The following BRINP1 variants were observed in gnomAD, a reference collection of about 807,000 sequenced individuals.
BRINP1 encodes the protein BMP/retinoic acid inducible neural specific 1.
In BRINP1, 17 loss-of-function variants were observed where a neutral mutation model predicts 72.9. The observed-to-expected ratio is 0.23, with a 90% CI of 0.16 to 0.35. The LOEUF is 0.35. Among genes scored for constraint, BRINP1 ranks in the 10% least tolerant of loss-of-function variants. The pLI, the probability that BRINP1 is intolerant of heterozygous loss-of-function variation, is 1.00. For synonymous variants in BRINP1, 418 were observed against 378.5 expected, an observed-to-expected ratio of 1.10 and a Z score of -1.21; for missense variants, 850 against 1,001.6, an observed-to-expected ratio of 0.85 and a Z score of 2.04.
chr9:119,293,736 T>A (rs1830843930), intron 2 of BRINP1, among the ~76,000 whole-genome samples: 1 of 151,704 alleles, frequency 6.6e-6, no homozygotes, highest in African/African-American at 2.4e-5. Flanking sequence ...GAATAGGAGG[T>A]AGAAGAGTGA....
At chr9:119,285,585 T>C (rs1200406871) in intron 2 of BRINP1, among the ~76,000 whole-genome samples, 2 of 152,178 alleles carry the variant, frequency 1.3e-5, no homozygotes. Flanking sequence ...TAACCCTTAA[T>C]CTAATTATTT....
intron 5 of BRINP1, among the ~76,000 whole-genome samples, chr9:119,226,466 G>T (rs1489961261): frequency 1.3e-5 from 2 of 152,008 alleles, no homozygotes; most frequent in African/African-American, 2.4e-5. Context: ...TACATACCAA[G>T]AAGTAACTCC....
intron 2 of BRINP1, among the ~76,000 whole-genome samples, chr9:119,267,180 T>C (rs533814904): frequency 3.9e-5 from 6 of 152,168 alleles, no homozygotes; most frequent in Non-Finnish European, 2.9e-5. Flanking sequence ...GACTTGCTGA[T>C]GTGGAATATG....
intron 1 of BRINP1, among the ~76,000 whole-genome samples, chr9:119,322,709 A>C (rs1292166145): frequency 1.3e-5 from 2 of 152,086 alleles, no homozygotes; most frequent in Non-Finnish European, 2.9e-5. Context: ...CAACTGGATA[A>C]TCTCATCTAG....
chr9:119,212,051 T>A (rs1468889762), intron 6 of BRINP1, among the ~76,000 whole-genome samples: 1 of 152,204 alleles, frequency 6.6e-6, no homozygotes, highest in East Asian at 1.9e-4. Context: ...TGCAAAAGCA[T>A]TTTATCAAAT....
intron 1 of BRINP1, among the ~76,000 whole-genome samples, chr9:119,316,796 C>T (rs1374916350): frequency 6.6e-6 from 1 of 152,110 alleles, no homozygotes; most frequent in Non-Finnish European, 1.5e-5. Flanking sequence ...TTCATGCCTG[C>T]TGAAACAACA....
At chr9:119,250,123 A>G (rs1300376148) in intron 2 of BRINP1, among the ~76,000 whole-genome samples, 1 of 106,010 alleles carries the variant, frequency 9.4e-6, no homozygotes, top group Non-Finnish European at 2.1e-5. Flanking sequence ...GGAGGGAGGG[A>G]AGGAGGGAGG....
intron 2 of BRINP1, among the ~76,000 whole-genome samples, chr9:119,261,193 T>A (rs186222380): frequency 6.6e-6 from 1 of 152,126 alleles, no homozygotes; most frequent in African/African-American, 2.4e-5. Context: ...ATAGGAGGGA[T>A]TCAGAATCCA....
chr9:119,360,968 C>G (rs971389205), intron 1 of BRINP1, among the ~76,000 whole-genome samples: 4 of 152,176 alleles, frequency 2.6e-5, no homozygotes, highest in African/African-American at 9.7e-5. Flanking sequence ...GGAATACAGT[C>G]TCCTAGCTAT....
At chr9:119,289,317 G>A (rs575928315) in intron 2 of BRINP1, among the ~76,000 whole-genome samples, 1 of 152,202 alleles carries the variant, frequency 6.6e-6, no homozygotes, top group African/African-American at 2.4e-5. Context: ...TAAGCTAGAG[G>A]ATTGGTATTC....
chr9:119,345,553 C>T (rs1473319352), intron 1 of BRINP1, among the ~76,000 whole-genome samples: 1 of 152,198 alleles, frequency 6.6e-6, no homozygotes, highest in Non-Finnish European at 1.5e-5. Flanking sequence ...ATACCCTACT[C>T]ATCCTTTAAG....
intron 2 of BRINP1, among the ~76,000 whole-genome samples, chr9:119,300,465 A>G (rs1830928138): frequency 6.6e-6 from 1 of 152,242 alleles, no homozygotes; most frequent in African/African-American, 2.4e-5. Flanking sequence ...ACCTGTATCA[A>G]AATATCTCAT....
At chr9:119,328,430 G>C (rs563880291) in intron 1 of BRINP1, among the ~76,000 whole-genome samples, 1 of 152,292 alleles carries the variant, frequency 6.6e-6, no homozygotes, top group Admixed American at 6.5e-5. Flanking sequence ...ACCAGAGAGG[G>C]AAGCCAAGAG....
intron 1 of BRINP1, among the ~76,000 whole-genome samples, chr9:119,338,460 T>G (rs1831372051): frequency 6.6e-6 from 1 of 151,722 alleles, no homozygotes; most frequent in Non-Finnish European, 1.5e-5. Context: ...TAGGTGTTTT[T>G]CCCCTCACGG....
At chr9:119,291,589 A>G (rs1830822081) in intron 2 of BRINP1, among the ~76,000 whole-genome samples, 1 of 152,208 alleles carries the variant, frequency 6.6e-6, no homozygotes, top group Non-Finnish European at 1.5e-5. Context: ...TTCTGTACAT[A>G]TGTTTACAAG....
At chr9:119,262,402 G>C (rs1477607150) in intron 2 of BRINP1, among the ~76,000 whole-genome samples, 3 of 152,050 alleles carry the variant, frequency 2.0e-5, no homozygotes, top group Non-Finnish European at 4.4e-5. Context: ...GGGAGGTCGA[G>C]GCGGGCGGGT....
intron 2 of BRINP1, among the ~76,000 whole-genome samples, chr9:119,268,203 AC>A (rs1830570198): frequency 6.6e-6 from 1 of 152,020 alleles, no homozygotes; most frequent in Non-Finnish European, 1.5e-5. Flanking sequence ...AGATCACATC[AC>A]TGCACTCCAG....
intron 7 of BRINP1, among the ~76,000 whole-genome samples, chr9:119,206,280 G>A (rs1351613165): frequency 6.6e-6 from 1 of 151,910 alleles, no homozygotes; most frequent in Non-Finnish European, 1.5e-5. Context: ...GCTGGGTGTG[G>A]TGGTGCACAC....
At chr9:119,172,380 G>A (rs1027001830) in intron 7 of BRINP1, among the ~76,000 whole-genome samples, 1 of 152,176 alleles carries the variant, frequency 6.6e-6, no homozygotes, top group Admixed American at 6.5e-5. Context: ...AGAAAATCTA[G>A]AAGAAATGGA....
Sources: allele counts gnomAD v4.1 joint callset (sites outside exome capture counted in the v4.1 genomes callset), GRCh38; gene constraint gnomAD v4.1.1; transcripts MANE v1.5; gene names NCBI Gene and HGNC (gene_info 2026-07-23, HGNC 2026-07-21).